SCD5: variants seen among roughly 807,000 people sequenced by gnomAD.
The protein encoded by SCD5 is acyl-CoA-desaturase 4.
Under a neutral mutation model 30.4 loss-of-function variants are expected in SCD5, and 20 were observed. The observed-to-expected ratio is 0.66, with a 90% CI of 0.46 to 0.96. The LOEUF is 0.96. SCD5 is among the 40% of genes least tolerant of loss of function. SCD5 has a pLI of 0.00. For synonymous variants in SCD5, 173 were observed against 176.4 expected (o/e 0.98, Z 0.16); for missense variants, 381 against 443.3 (o/e 0.86, Z 1.26).
At chr4:82,778,520 A>G (rs1238667615) in intron 1 of SCD5, among the ~76,000 whole-genome samples, 1 of 152,224 alleles carries the variant, frequency 6.6e-6, no homozygotes, top group African/African-American at 2.4e-5. Flanking sequence ...CGCATGCTCT[A>G]GGGGCTATTC....
rs180838583 is a variant in SCD5, at chr4:82,682,162, C to T, written c.364-1250G>A. 2.6e-5 allele frequency among the ~76,000 whole-genome samples: 4 copies of T among 152,276 alleles called. No individual in the cohort carries two copies. In the East Asian group the frequency reaches 7.7e-4, roughly 29 times the overall value. ...TGGAGCCCTGAGACAGACTCTGGTG[C>T]CCCTAGAAGGACAGGCAGCAGAGTC... On this transcript the variant is annotated intron_variant, in intron 2 of 4. Transcript: ENST00000319540.
At chr4:82,642,517 C>G (rs761837892) in intron 3 of SCD5, among the ~76,000 whole-genome samples, 2 of 152,238 alleles carry the variant, frequency 1.3e-5, no homozygotes, top group South Asian at 2.1e-4. Context: ...GTCTATGACA[C>G]TCTTCCCCAG....
intron 1 of SCD5, among the ~76,000 whole-genome samples, chr4:82,790,067 G>A (rs1722068958): frequency 6.6e-6 from 1 of 152,108 alleles, no homozygotes; most frequent in Admixed American, 6.6e-5. Context: ...CATGCAGCCT[G>A]AGGCAGGCAC....
intron 2 of SCD5, among the ~76,000 whole-genome samples, chr4:82,688,179 T>G (rs1182585767): frequency 6.6e-6 from 1 of 152,202 alleles, no homozygotes; most frequent in Non-Finnish European, 1.5e-5. Flanking sequence ...TCATAACACA[T>G]CTTTGTTTCC....
Position 82,705,282 on chromosome 4 carries a change from C to A in SCD5, c.363+1G>T. The A allele has an allele frequency of 6.2e-7, 1 of 1,614,160 alleles. No individual in the cohort carries two copies. ...ACACAGAGAGGACCCTCCATCCTCA[C>A]CTGGAAAGCCATGGAGTTGGCGACA... On this transcript the variant is annotated splice_donor_variant, in intron 2 of 4. Coordinates refer to ENST00000319540, the MANE Select transcript of SCD5 (RefSeq NM_001037582.3). LOFTEE classifies it high-confidence loss of function.
intron 1 of SCD5, among the ~76,000 whole-genome samples, chr4:82,792,856 G>A (rs1938947253): frequency 1.3e-5 from 2 of 152,216 alleles, no homozygotes; most frequent in South Asian, 2.1e-4. Flanking sequence ...GCAATGTCAG[G>A]ATTCGCACTG....
At chr4:82,632,423 A>T (rs900183794) in intron 4 of SCD5, among the ~76,000 whole-genome samples, 3 of 151,762 alleles carry the variant, frequency 2.0e-5, no homozygotes, top group African/African-American at 7.3e-5. Context: ...ATTTTTTTTA[A>T]TCCAGTCTAT....
chr4:82,679,259 AGAAGGAAGGAAAGAAAGAAAGAAG>A lies in SCD5; in HGVS notation c.569+1424_569+1447del, dbSNP rs201885613. Among the ~76,000 whole-genome samples, 59 of 109,328 alleles carry A rather than the reference AGAAGGAAGGAAAGAAAGAAAGAAG, an allele frequency of 5.4e-4. 6 individuals carry two copies. The highest frequency in any genetic ancestry group is 1.8e-3 in the African/African-American group (52 of 29,386). The allele number at this position is 109,328 out of a possible 152,430, so 71.7% of individuals were successfully genotyped here. On this transcript the variant is annotated intron_variant, in intron 3 of 4. Coordinates refer to ENST00000319540, the MANE Select transcript of SCD5 (RefSeq NM_001037582.3). Reference sequence around the variant, plus strand: ...AAGAAAGAAAGAAAGAAAGAAAGAAAGAAGGAAGGAAAGAAAGAAAGAAGGAAGGAAAGAAAGAAAGAAAACATC... The same window carrying A: ...AAGAAAGAAAGAAAGAAAGAAAGAAAGAAGGAAAGAAAGAAAGAAAACATC...
chr4:82,637,735 A>G (rs1038414044), intron 3 of SCD5, among the ~76,000 whole-genome samples: 2 of 152,238 alleles, frequency 1.3e-5, no homozygotes, highest in African/African-American at 4.8e-5. Flanking sequence ...GTTAAGATGC[A>G]TATGTATCAA....
chr4:82,749,297 T>C (rs1488229054), intron 1 of SCD5, among the ~76,000 whole-genome samples: 1 of 152,190 alleles, frequency 6.6e-6, no homozygotes, highest in Non-Finnish European at 1.5e-5. Flanking sequence ...TCAGGCCTGT[T>C]GCAACACCAA....
intron 1 of SCD5, among the ~76,000 whole-genome samples, chr4:82,733,901 C>T (rs947689942): frequency 6.6e-6 from 1 of 152,138 alleles, no homozygotes; most frequent in Non-Finnish European, 1.5e-5. Flanking sequence ...CTCAGGTGTC[C>T]TTGCTGCTGC....
At position 82,798,764 on chromosome 4, in the gene SCD5, C is replaced by A. The variant is rs1209960727; in HGVS notation, c.-227G>T. ...CGGCGTCTGTTGCTGGCGTATCCCC[C>A]ATATGGCTGCCCGGGCTGAACTCGG... is the stretch of plus-strand genomic sequence containing the variant. On this transcript the variant is annotated 5_prime_UTR_variant, in exon 1 of 5. The change abolishes an upstream ATG in the 5' untranslated region. Transcript: ENST00000319540. 5.9e-6 allele frequency: 3 copies of A among 508,088 alleles called. No homozygotes were observed. Among genetic ancestry groups the A allele is most frequent in the African/African-American group, 2.0e-5 (1 of 48,938 alleles). The allele number at this position is 508,088 out of a possible 1,614,324, so 31.5% of individuals were successfully genotyped here. A position where few individuals can be genotyped will look rare whatever the true frequency, so the allele number is the denominator to read the frequency against.
intron 3 of SCD5, among the ~76,000 whole-genome samples, chr4:82,668,049 AAAC>A (rs1728229681): frequency 6.6e-6 from 1 of 152,238 alleles, no homozygotes; most frequent in South Asian, 2.1e-4. Flanking sequence ...TCCCCACCAA[AAAC>A]AACAACAAAA....
At chr4:82,779,181 T>G (rs1721816793) in intron 1 of SCD5, among the ~76,000 whole-genome samples, 1 of 145,072 alleles carries the variant, frequency 6.9e-6, no homozygotes, top group African/African-American at 2.5e-5. Flanking sequence ...TAGCTAATCT[T>G]AAACTAGCAA....
At chr4:82,665,230 T>TAA (rs1728158617) in intron 3 of SCD5, among the ~76,000 whole-genome samples, 1 of 71,102 alleles carries the variant, frequency 1.4e-5, no homozygotes, top group African/African-American at 6.5e-5. Flanking sequence ...AGACCCTGTC[T>TAA]CAAAAAAAAA....
rs186835871 is a variant in SCD5 at position 82,682,807 on chromosome 4, C to T, written c.364-1895G>A. Among the ~76,000 whole-genome samples, 453 of 152,208 alleles carry T rather than the reference C, an allele frequency of 3.0e-3. 2 individuals carry two copies. Among genetic ancestry groups the T allele is most frequent in the African/African-American group, 0.01 (424 of 41,504 alleles). ...GGGACTACAGGTGTATGCCACCATG[C>T]CCAGCTAATTTTTTGTTTTTCTTTT... On this transcript the variant is annotated intron_variant, in intron 2 of 4. Coordinates refer to ENST00000319540, the MANE Select transcript of SCD5 (RefSeq NM_001037582.3).
intron 1 of SCD5, among the ~76,000 whole-genome samples, chr4:82,722,006 T>C (rs1259727070): frequency 6.6e-6 from 1 of 152,192 alleles, no homozygotes; most frequent in African/African-American, 2.4e-5. Context: ...TGTTGCACAC[T>C]GGGGACAGTG....
intron 1 of SCD5, among the ~76,000 whole-genome samples, chr4:82,796,698 A>G (rs1481488278): frequency 6.6e-6 from 1 of 152,142 alleles, no homozygotes; most frequent in Non-Finnish European, 1.5e-5. Flanking sequence ...AATCCCCTAG[A>G]GGTCACCAGG....
At chr4:82,752,414 G>A (rs1300821861) in intron 1 of SCD5, among the ~76,000 whole-genome samples, 2 of 151,970 alleles carry the variant, frequency 1.3e-5, no homozygotes, top group African/African-American at 4.8e-5. Context: ...CAGCTGAAAT[G>A]TTCTTGTCAA....
Sources: gnomAD v4.1 joint callset for allele counts (sites outside exome capture counted in the v4.1 genomes callset) on GRCh38, gnomAD v4.1.1 for gene constraint, MANE v1.5 for transcripts, NCBI Gene and HGNC (gene_info 2026-07-23, HGNC 2026-07-21) for gene names.